The following PHGDH variants were observed in gnomAD, a reference collection of about 807,000 sequenced individuals.
PHGDH encodes D-3-phosphoglycerate dehydrogenase.
Under a neutral mutation model 52.6 loss-of-function variants are expected in PHGDH, and 50 were observed. That is an observed-to-expected ratio of 0.95 (90% CI 0.76 to 1.20). The LOEUF (loss-of-function observed/expected upper bound fraction) is 1.20, where lower values mean the gene tolerates loss of function less well. Among genes scored for constraint, PHGDH ranks in the 50% most tolerant of loss-of-function variants. The pLI is 0.00. For synonymous variants in PHGDH, 271 were observed against 280.5 expected (o/e 0.97, Z 0.34); for missense variants, 630 against 684.6 (o/e 0.92, Z 0.89).
intron 1 of PHGDH, 89 bp downstream of exon 1, chr1:119,712,249 T>G: frequency 4.5e-6 from 5 of 1,108,084 alleles, no homozygotes; most frequent in Non-Finnish European, 3.9e-6. Flanking sequence ...CCCCCTCGCA[T>G]GCACCCCGTA....
intron 5 of PHGDH, among the ~76,000 whole-genome samples, chr1:119,730,756 C>T (rs1044628183): frequency 6.6e-6 from 1 of 151,972 alleles, no homozygotes; most frequent in Non-Finnish European, 1.5e-5. Flanking sequence ...CGGATGGAGC[C>T]CCTTGAGCTT....
chr1:119,733,512 T>A (rs587609436), intron 5 of PHGDH, among the ~76,000 whole-genome samples: 2 of 58,532 alleles, frequency 3.4e-5, no homozygotes, highest in Admixed American at 3.5e-4. Context: ...TTTTTAAATT[T>A]TTTGTAGGGG....
At chr1:119,729,978 C>T (rs1040509138) in intron 5 of PHGDH, 2 of 152,168 alleles carry the variant, frequency 1.3e-5, no homozygotes, top group African/African-American at 4.8e-5. Context: ...TGGCTTGGAT[C>T]ATTCCGTCTC....
intron 3 of PHGDH, 69 bp downstream of exon 3, chr1:119,723,510 T>A: frequency 8.2e-7 from 1 of 1,223,160 alleles, no homozygotes; most frequent in Non-Finnish European, 1.2e-6. Flanking sequence ...GCCAAGCAAA[T>A]GGACCCAGAA....
At chr1:119,712,199 C>T (rs760129031) in intron 1 of PHGDH, 39 bp downstream of exon 1, 34 of 1,599,352 alleles carry the variant, frequency 2.1e-5, no homozygotes, top group Non-Finnish European at 2.8e-5. Context: ...TCTAGGGCAA[C>T]CTCCATGGAA....
intron 5 of PHGDH, among the ~76,000 whole-genome samples, chr1:119,731,602 T>C (rs960158589): frequency 1.2e-4 from 18 of 152,212 alleles, no homozygotes; most frequent in African/African-American, 3.4e-4. Flanking sequence ...TGTCGGTTCC[T>C]GTGCTTGAAA....
intron 1 of PHGDH, among the ~76,000 whole-genome samples, chr1:119,716,857 T>C (rs1238680956): frequency 1.3e-5 from 2 of 152,148 alleles, no homozygotes; most frequent in Non-Finnish European, 2.9e-5. Flanking sequence ...AAAAAGGTCA[T>C]GCAGTGTACA....
rs1182137884 is a variant in PHGDH, at chr1:119,740,368, C to T, written c.946-18C>T. 6.2e-7 allele frequency: 1 copy of T among 1,614,070 alleles called. No homozygotes were observed. Among genetic ancestry groups the T allele is most frequent in the Non-Finnish European group, 8.5e-7 (1 of 1,179,926 alleles). On this transcript the variant is annotated intron_variant, in intron 8 of 11. Coordinates refer to ENST00000641023, the MANE Select transcript of PHGDH (RefSeq NM_006623.4). Reference sequence around the variant, plus strand: ...ATGCCTCTTCCTGACCACAGCCCCGCTCCTCCATCCTCTGCAGGTGAATGC... The same window carrying T: ...ATGCCTCTTCCTGACCACAGCCCCGTTCCTCCATCCTCTGCAGGTGAATGC...
intron 3 of PHGDH, chr1:119,724,904 C>A (rs1021628902): frequency 1.8e-5 from 8 of 456,480 alleles, no homozygotes; most frequent in African/African-American, 1.4e-4. Context: ...ACACGCACAC[C>A]CTATTGGGAA....
intron 5 of PHGDH, among the ~76,000 whole-genome samples, chr1:119,731,027 CT>C (rs1034201517): frequency 6.6e-6 from 1 of 152,226 alleles, no homozygotes; most frequent in African/African-American, 2.4e-5. Flanking sequence ...CTGCACCCTA[CT>C]TGTGGGTCCA....
At chr1:119,716,253 T>C (rs762349392) in intron 1 of PHGDH, among the ~76,000 whole-genome samples, 2 of 152,116 alleles carry the variant, frequency 1.3e-5, no homozygotes, top group African/African-American at 2.4e-5. Flanking sequence ...GACCTGATGC[T>C]CATCTGTAGG....
At chr1:119,738,699 C>T (rs866068520) in intron 8 of PHGDH, among the ~76,000 whole-genome samples, 1 of 150,776 alleles carries the variant, frequency 6.6e-6, no homozygotes, top group Non-Finnish European at 1.5e-5. Flanking sequence ...AATTTATTGC[C>T]ATTACCATTA....
intron 10 of PHGDH, 180 bp downstream of exon 10, chr1:119,742,077 G>A: frequency 3.1e-6 from 2 of 642,172 alleles, no homozygotes; most frequent in South Asian, 3.6e-5. Flanking sequence ...CTGGCCCCGA[G>A]TGTTGCTAAT....
intron 6 of PHGDH, 152 bp downstream of exon 6, chr1:119,734,918 C>T (rs1177335749): frequency 3.5e-6 from 3 of 853,598 alleles, no homozygotes; most frequent in African/African-American, 1.6e-5. Context: ...GTTAGACACC[C>T]CTACGTTGGA....
At chr1:119,718,431 C>G (rs1651019722) in intron 1 of PHGDH, among the ~76,000 whole-genome samples, 1 of 152,214 alleles carries the variant, frequency 6.6e-6, no homozygotes, top group Non-Finnish European at 1.5e-5. Flanking sequence ...ACTAGTAAAT[C>G]TCTCCAAGGG....
At chr1:119,723,921 A>C (rs1335193590) in intron 3 of PHGDH, among the ~76,000 whole-genome samples, 1 of 151,922 alleles carries the variant, frequency 6.6e-6, no homozygotes, top group Admixed American at 6.6e-5. Context: ...TATCTCTGTC[A>C]CTGCCCTTAC....
chr1:119,732,738 C>T (rs144543598), intron 5 of PHGDH, among the ~76,000 whole-genome samples: 1 of 152,196 alleles, frequency 6.6e-6, no homozygotes, highest in African/African-American at 2.4e-5. Flanking sequence ...AGATGCTCAC[C>T]TGCTCCTCTC....
chr1:119,739,488 C>T (rs1028063490), intron 8 of PHGDH: 2 of 152,080 alleles, frequency 1.3e-5, no homozygotes, highest in African/African-American at 4.8e-5. Context: ...TGAAGCCCGG[C>T]CTCAGCAGTC....
rs1162075320 is a variant in PHGDH at position 119,737,168 on chromosome 1, C to T, written c.847C>T (p.His283Tyr). ...CCATGAGAATGTCATCAGCTGTCCC[C>T]ACCTGGGTGCCAGCACCAAGGAGGC... ...VDHENVISCP[H>Y]LGASTKEAQS... Residue 283 changes from histidine to tyrosine, a missense_variant, in exon 8 of 12, where the codon CAC becomes TAC. By Grantham distance (83) the His-to-Tyr change is moderately conservative. Transcript: ENST00000641023. 2.5e-6 allele frequency: 4 copies of T among 1,614,174 alleles called. No homozygotes were observed. The highest frequency in any genetic ancestry group is 3.4e-6 in the Non-Finnish European group (4 of 1,179,982).
Sources: gnomAD v4.1 joint callset for allele counts (sites outside exome capture counted in the v4.1 genomes callset) on GRCh38, gnomAD v4.1.1 for gene constraint, MANE v1.5 for transcripts, NCBI Gene and HGNC (gene_info 2026-07-23, HGNC 2026-07-21) for gene names.